Variants in UTP20 observed in about 807,000 individuals in gnomAD.
UTP20 encodes the protein UTP20 small subunit processome component, also known as small subunit processome component 20 homolog.
Under a neutral mutation model 329.5 loss-of-function variants are expected in UTP20, and 164 were observed. The observed-to-expected ratio is 0.50, with a 90% confidence interval of 0.44 to 0.57. The LOEUF is 0.57. Among genes scored for constraint, UTP20 ranks in the 20% least tolerant of loss-of-function variants. UTP20 has a pLI of 0.00. For synonymous variants in UTP20, 1,151 were observed against 1,159.3 expected (o/e 0.99, Z 0.14); for missense variants, 3,055 against 3,284.2 (o/e 0.93, Z 1.71).
At chr12:101,285,726 A>G (rs769447868) in intron 3 of UTP20, 23 bp from the exon 4 acceptor site, 1 of 1,613,214 alleles carries the variant, frequency 6.2e-7, no homozygotes, top group Admixed American at 1.7e-5. Context: ...AGAAAAGAAC[A>G]TATTTTTTTT....
intron 48 of UTP20, 93 bp downstream of exon 48, chr12:101,368,069 CT>C: frequency 1.1e-6 from 1 of 883,516 alleles, no homozygotes. Context: ...TGGGCTCAAG[CT>C]TTATGAGATG....
intron 12 of UTP20, among the ~76,000 whole-genome samples, chr12:101,298,707 T>G (rs1343784855): frequency 6.6e-6 from 1 of 152,154 alleles, no homozygotes. Flanking sequence ...GATTGTTGAG[T>G]CATGATTATT....
At chr12:101,329,651 AAAG>A (rs1385445266) in intron 27 of UTP20, among the ~76,000 whole-genome samples, 3 of 152,212 alleles carry the variant, frequency 2.0e-5, no homozygotes, top group Non-Finnish European at 1.5e-5. Flanking sequence ...CTAGGCATAC[AAAG>A]AAGGAGGAAA....
intron 43 of UTP20, among the ~76,000 whole-genome samples, chr12:101,357,848 A>G (rs1016715393): frequency 2.6e-5 from 4 of 152,244 alleles, no homozygotes; most frequent in African/African-American, 9.6e-5. Context: ...GCACCTGGAC[A>G]GACAGTATCA....
At chr12:101,325,419 T>C (rs1593433638) in intron 25 of UTP20, among the ~76,000 whole-genome samples, 1 of 152,246 alleles carries the variant, frequency 6.6e-6, no homozygotes, top group East Asian at 1.9e-4. Flanking sequence ...TCTTTTTCAC[T>C]GTGTTGACAT....
intron 51 of UTP20, among the ~76,000 whole-genome samples, chr12:101,371,787 C>T (rs1160276502): frequency 6.6e-6 from 1 of 152,100 alleles, no homozygotes. Flanking sequence ...CCACCTTGGC[C>T]TCCCAAAGTG....
chr12:101,333,250 G>T, intron 27 of UTP20, 51 bp from the exon 28 acceptor site: 4 of 1,569,566 alleles, frequency 2.5e-6, no homozygotes, highest in Non-Finnish European at 3.5e-6. Context: ...AGGAATCAGG[G>T]ATAAAAATGA....
Position 101,302,446 on chromosome 12 carries a change from A to G in UTP20, c.1676-2A>G. Reference sequence around the variant, plus strand: ...TGGTTTCTCCTGTTTTTCTGCCCTTAGGAAACTTATTTGTTCTTTGTCAAG... The same window carrying G: ...TGGTTTCTCCTGTTTTTCTGCCCTTGGGAAACTTATTTGTTCTTTGTCAAG... On this transcript the variant is annotated splice_acceptor_variant, in intron 14 of 61. Transcript: ENST00000261637. LOFTEE classifies it high-confidence loss of function. The G allele has an allele frequency of 6.3e-7, 1 of 1,589,088 alleles. No homozygotes were observed. The highest frequency in any genetic ancestry group is 8.6e-7 in the Non-Finnish European group (1 of 1,164,234).
intron 45 of UTP20, among the ~76,000 whole-genome samples, chr12:101,364,640 A>G (rs1870034888): frequency 6.6e-6 from 1 of 152,216 alleles, no homozygotes; most frequent in African/African-American, 2.4e-5. Context: ...AGAGGTGAAC[A>G]TCCAGTAAAT....
chr12:101,357,805 C>T (rs190613327), intron 43 of UTP20, among the ~76,000 whole-genome samples: 12 of 152,224 alleles, frequency 7.9e-5, no homozygotes, highest in African/African-American at 2.6e-4. Context: ...CAAGTAGTTA[C>T]GTGGTATCTA....
Position 101,352,189 on chromosome 12 carries a change from T to A in UTP20, c.5019T>A (p.Gly1673=). ...CGGGACAGATCAATCAAAAACTGGG[T>A]GTCAGGTGTGGTCAAACTTCTTATT... The part of the protein sequence containing the change: ...LQTGQINQKL[G]VSLLVIVLEA... Residue 1673 remains glycine (G), a synonymous_variant, in exon 39 of 62, where the codon GGT becomes GGA. Coordinates refer to ENST00000261637, the MANE Select transcript of UTP20 (RefSeq NM_014503.3). The A allele has an allele frequency of 6.2e-7, 1 of 1,603,430 alleles. No homozygotes were observed. The highest frequency in any genetic ancestry group is 8.5e-7 in the Non-Finnish European group (1 of 1,177,780).
chr12:101,308,041 C>CA (rs971830806), intron 17 of UTP20, 144 bp from the exon 18 acceptor site: 8,497 of 605,210 alleles, frequency 0.014, no homozygotes, highest in Middle Eastern at 0.019. Context: ...AATCATTTAC[C>CA]AAAAAAAAAA....
chr12:101,353,084 C>T lies in UTP20; in HGVS notation c.5062C>T (p.His1688Tyr), dbSNP rs762685426. Residue 1688 changes from histidine to tyrosine, a missense_variant, in exon 40 of 62, where the codon CAC becomes TAC. Physicochemically the swap from His to Tyr is moderately conservative, Grantham distance 83. Around this residue, in one of 3 missense-constraint regions of UTP20, gnomAD observed 2,445 missense variants for 2,575.5 expected, o/e 0.95. Transcript: ENST00000261637. ...AGTGTTAGAAGCATTCCACTTTGAC[C>T]ACAAAACTCTTGAAGAACAAATGGG... is the stretch of plus-strand genomic sequence containing the variant. ...VIVLEAFHFD[H>Y]KTLEEQMGKI... 2.5e-6 allele frequency: 4 copies of T among 1,595,798 alleles called. No homozygotes were observed. The highest frequency in any genetic ancestry group is 2.3e-5 in the South Asian group (2 of 88,170).
intron 61 of UTP20, 54 bp from the exon 62 acceptor site, chr12:101,385,914 A>C: frequency 6.8e-7 from 1 of 1,474,552 alleles, no homozygotes; most frequent in Non-Finnish European, 9.1e-7. Flanking sequence ...TTTGATTCTT[A>C]TTGGTTTAAC....
intron 26 of UTP20, 24 bp from the exon 27 acceptor site, chr12:101,329,217 C>T: frequency 1.9e-6 from 3 of 1,599,530 alleles, no homozygotes; most frequent in Non-Finnish European, 2.6e-6. Context: ...CTTACATGAC[C>T]TCTCGTCCTC....
intron 38 of UTP20, among the ~76,000 whole-genome samples, chr12:101,351,099 T>C (rs1394641897): frequency 1.3e-5 from 2 of 151,838 alleles, no homozygotes; most frequent in Non-Finnish European, 2.9e-5. Flanking sequence ...GTGGTTGATA[T>C]CCAAGATTTG....
chr12:101,281,845 C>T (rs895735422), intron 2 of UTP20, among the ~76,000 whole-genome samples: 3 of 152,062 alleles, frequency 2.0e-5, no homozygotes, highest in Non-Finnish European at 4.4e-5. Flanking sequence ...GCTGGGATTA[C>T]AGGTACGTGC....
chr12:101,309,265 C>T (rs989180089), intron 18 of UTP20, among the ~76,000 whole-genome samples: 1 of 152,190 alleles, frequency 6.6e-6, no homozygotes, highest in Non-Finnish European at 1.5e-5. Context: ...AACTACCAGT[C>T]TGGATGGTGC....
intron 38 of UTP20, among the ~76,000 whole-genome samples, chr12:101,348,027 C>T (rs1378218203): frequency 6.6e-6 from 1 of 152,184 alleles, no homozygotes; most frequent in African/African-American, 2.4e-5. Flanking sequence ...TGGGGTTTTG[C>T]CATATTCTCC....
Sources: gnomAD v4.1 joint callset for allele counts (sites outside exome capture counted in the v4.1 genomes callset) on GRCh38, gnomAD v4.1.1 for gene constraint, gnomAD v4.1.1 regional missense constraint, MANE v1.5 for transcripts, NCBI Gene and HGNC (gene_info 2026-07-23, HGNC 2026-07-21) for gene names.